Variants in ARHGEF26 observed in about 807,000 individuals in gnomAD.
ARHGEF26 encodes the protein Rho guanine nucleotide exchange factor (GEF) 26.
A neutral mutation model predicts 89.4 loss-of-function variants in ARHGEF26; 59 were observed. The ratio of observed to expected loss-of-function variants is 0.66; its 90% CI spans 0.54 to 0.82. The LOEUF is 0.82. ARHGEF26 is among the 40% of genes least tolerant of loss of function. ARHGEF26 has a pLI of 0.00. For missense variants in ARHGEF26, 1,234 were observed against 1,085.6 expected (o/e 1.14, Z -1.92); for synonymous variants, 500 against 428.4 (o/e 1.17, Z -2.06).
intron 6 of ARHGEF26, among the ~76,000 whole-genome samples, chr3:154,184,521 T>A (rs2108169621): frequency 6.6e-6 from 1 of 152,324 alleles, no homozygotes; most frequent in South Asian, 2.1e-4. Flanking sequence ...CTGTCTTCAT[T>A]AATGGTTTAA....
At chr3:154,132,098 T>C (rs1220713987) in intron 4 of ARHGEF26, among the ~76,000 whole-genome samples, 2 of 152,242 alleles carry the variant, frequency 1.3e-5, no homozygotes, top group African/African-American at 4.8e-5. Flanking sequence ...AGCAGCATGA[T>C]TGGACTTGGC....
At chr3:154,250,906 G>C (rs1454990672) in intron 12 of ARHGEF26, among the ~76,000 whole-genome samples, 1 of 152,128 alleles carries the variant, frequency 6.6e-6, no homozygotes, top group Admixed American at 6.5e-5. Context: ...TATTTTACAT[G>C]AAGTTGTGCT....
rs549778966 is a variant in ARHGEF26 at position 154,181,661 on chromosome 3, G to A, written c.1488-6024G>A. On this transcript the variant is annotated intron_variant, in intron 6 of 14. Transcript: ENST00000465093. ...GGCAGGTTTTTCAGAAAATGCAGCT[G>A]GCATTGAAGAAACTCAGATTGGACT... Among the ~76,000 whole-genome samples, 29 of 152,200 alleles carry A rather than the reference G, an allele frequency of 1.9e-4. No individual in the cohort carries two copies. The South Asian group carries it at 5.4e-3, about 28-fold the overall frequency.
intron 4 of ARHGEF26, among the ~76,000 whole-genome samples, chr3:154,135,928 TTGTTA>T (rs539875208): frequency 5.6e-4 from 86 of 152,302 alleles, no homozygotes; most frequent in East Asian, 3.1e-3. Flanking sequence ...ACACCAGTGT[TTGTTA>T]TGTTAAGTTC....
At chr3:154,174,758 G>C (rs1712692532) in intron 6 of ARHGEF26, among the ~76,000 whole-genome samples, 1 of 151,798 alleles carries the variant, frequency 6.6e-6, no homozygotes, top group African/African-American at 2.4e-5. Flanking sequence ...TAACACAGAA[G>C]TAAAAACAAA....
chr3:154,168,606 A>C lies in ARHGEF26; in HGVS notation c.1487+15674A>C, dbSNP rs1240316983. 5.9e-5 allele frequency among the ~76,000 whole-genome samples: 9 copies of C among 152,236 alleles called. No individual in the cohort carries two copies. The South Asian group carries it at 1.7e-3, about 28-fold the overall frequency. The stretch of plus-strand genomic sequence containing the variant: ...AACAAAAACAAAAACAGAAAAACCC[A>C]AAAATGGCCAAAGATTATCAAATAG... On this transcript the variant is annotated intron_variant, in intron 6 of 14. Coordinates refer to ENST00000465093, the MANE Select transcript of ARHGEF26 (RefSeq NM_015595.4).
Position 154,193,551 on chromosome 3 carries a change from G to C in ARHGEF26, c.1771-1093G>C, listed in dbSNP as rs550497753. 3.0e-3 allele frequency among the ~76,000 whole-genome samples: 464 copies of C among 152,218 alleles called. 5 individuals are homozygous for C. Among genetic ancestry groups the C allele is most frequent in the Non-Finnish European group, 3.5e-3 (238 of 68,024 alleles). ...TGTTGCTCTAATCTGTTTCTCATGT[G>C]TGGAAATCTGGCCATTTAGGCAGAA... is the stretch of plus-strand genomic sequence containing the variant. On this transcript the variant is annotated intron_variant, in intron 8 of 14. Transcript: ENST00000465093.
Position 154,122,405 on chromosome 3 carries a change from C to A in ARHGEF26, c.413C>A (p.Pro138Gln), listed in dbSNP as rs1301461695. 6.2e-7 allele frequency: 1 copy of A among 1,608,734 alleles called. No individual in the cohort carries two copies. Among genetic ancestry groups the A allele is most frequent in the East Asian group, 2.3e-5 (1 of 44,352 alleles). The change falls in exon 2 of 15, where the codon CCG becomes CAG. Residue 138 changes from proline (P) to glutamine (Q), a missense_variant. Transcript: ENST00000465093. ...AATGGCGCGGTGACCTTGCCTGCGC[C>A]GCCGCCGCCGCCGGTTCTGCGCCCC... ...PANGAVTLPA[P>Q]PPPPVLRPPR...
At chr3:154,219,033 C>T (rs1160243700) in intron 10 of ARHGEF26, among the ~76,000 whole-genome samples, 1 of 152,142 alleles carries the variant, frequency 6.6e-6, no homozygotes, top group African/African-American at 2.4e-5. Context: ...TGCCAAAAAC[C>T]AGACACACAT....
chr3:154,227,471 T>A (rs548118924), intron 11 of ARHGEF26, among the ~76,000 whole-genome samples: 5 of 151,718 alleles, frequency 3.3e-5, no homozygotes, highest in Non-Finnish European at 7.4e-5. Flanking sequence ...TTAGTGGAGA[T>A]GGGGTTTCAC....
intron 3 of ARHGEF26, among the ~76,000 whole-genome samples, chr3:154,126,068 G>C (rs1449325671): frequency 3.3e-5 from 5 of 152,172 alleles, no homozygotes; most frequent in Non-Finnish European, 7.3e-5. Context: ...TGTCAACAAT[G>C]TTATGCATAT....
At chr3:154,147,849 T>G (rs764662808) in intron 4 of ARHGEF26, among the ~76,000 whole-genome samples, 2 of 152,132 alleles carry the variant, frequency 1.3e-5, no homozygotes, top group Non-Finnish European at 2.9e-5. Flanking sequence ...CACTTGATGT[T>G]ATTCACCTAC....
At chr3:154,250,961 TTAGA>T (rs908446443) in intron 12 of ARHGEF26, among the ~76,000 whole-genome samples, 1 of 98,244 alleles carries the variant, frequency 1.0e-5, no homozygotes, top group African/African-American at 5.3e-5. Context: ...TTGTCCTGTA[TTAGA>T]GAGAGAGAGA....
intron 4 of ARHGEF26, among the ~76,000 whole-genome samples, chr3:154,137,182 G>T (rs1049734675): frequency 1.3e-5 from 2 of 152,174 alleles, no homozygotes; most frequent in Non-Finnish European, 2.9e-5. Flanking sequence ...CTCTGCCTGC[G>T]TGAATAGATT....
chr3:154,134,446 TC>T (rs1293201406), intron 4 of ARHGEF26, among the ~76,000 whole-genome samples: 1 of 152,040 alleles, frequency 6.6e-6, no homozygotes, highest in Admixed American at 6.6e-5. Flanking sequence ...CAGAGAAACT[TC>T]CGTTTTTAAA....
At chr3:154,183,614 C>T (rs922767372) in intron 6 of ARHGEF26, among the ~76,000 whole-genome samples, 6 of 152,092 alleles carry the variant, frequency 3.9e-5, no homozygotes, top group Admixed American at 6.6e-5. Context: ...GTAAAGTATG[C>T]AAATTTTCCA....
chr3:154,127,886 A>G (rs757180572), intron 3 of ARHGEF26, among the ~76,000 whole-genome samples: 1 of 152,126 alleles, frequency 6.6e-6, no homozygotes, highest in Non-Finnish European at 1.5e-5. Flanking sequence ...ACCGTTGTAG[A>G]TGTGGTTTGT....
chr3:154,182,955 A>G (rs889024787), intron 6 of ARHGEF26, among the ~76,000 whole-genome samples: 6 of 152,236 alleles, frequency 3.9e-5, no homozygotes, highest in Non-Finnish European at 7.3e-5. Context: ...AAATCCCTGC[A>G]GTTTTAAAAA....
chr3:154,232,275 CT>C (rs1716874130), intron 11 of ARHGEF26, among the ~76,000 whole-genome samples: 1 of 152,148 alleles, frequency 6.6e-6, no homozygotes, highest in Admixed American at 6.5e-5. Flanking sequence ...CTTCCTGGCC[CT>C]TTTCTGGGTC....
Sources: allele counts gnomAD v4.1 joint callset (sites outside exome capture counted in the v4.1 genomes callset), GRCh38; gene constraint gnomAD v4.1.1; transcripts MANE v1.5; gene names NCBI Gene and HGNC (gene_info 2026-07-23, HGNC 2026-07-21).